The following CAMKK1 variants were observed in gnomAD, a reference collection of about 807,000 sequenced individuals.
CAMKK1 encodes the protein calcium/calmodulin dependent protein kinase kinase 1.
CAMKK1 carries 20 observed loss-of-function variants against 63.5 expected under a neutral mutation model. That is an observed-to-expected ratio of 0.32 (90% CI 0.22 to 0.46). The LOEUF (loss-of-function observed/expected upper bound fraction) is 0.46, where lower values mean the gene tolerates loss of function less well. CAMKK1 is among the 20% of genes least tolerant of loss of function. CAMKK1 has a pLI of 1.00. For missense variants in CAMKK1, 588 were observed against 658.1 expected (o/e 0.89, Z 1.17); for synonymous variants, 253 against 269.0 (o/e 0.94, Z 0.58).
rs1442620032 is a variant in CAMKK1, at chr17:3,883,288, C to A, written c.515-113G>T. 1 of 1,507,044 alleles carries A rather than the reference C, an allele frequency of 6.6e-7. No individual in the cohort carries two copies. Among genetic ancestry groups the A allele is most frequent in the African/African-American group, 1.4e-5 (1 of 72,684 alleles). The allele number at this position is 1,507,044 out of a possible 1,614,324, so 93.4% of individuals were successfully genotyped here. Reference sequence around the variant, plus strand: ...ATGCCCGTGGTCTTGTCCCAACCCACAGGGCACATTCTGTCCCCAGGCCTC... The same window carrying A: ...ATGCCCGTGGTCTTGTCCCAACCCAAAGGGCACATTCTGTCCCCAGGCCTC... On this transcript the variant is annotated intron_variant, in intron 5 of 15. Transcript: ENST00000348335. The surrounding 1 kb of genome is among the most constrained non-coding windows in gnomAD (Gnocchi z 4.7).
chr17:3,886,779 G>A (rs9914137), intron 1 of CAMKK1, among the ~76,000 whole-genome samples: 8,561 of 151,964 alleles, frequency 0.056, 811 homozygotes, highest in African/African-American at 0.2. Context: ...CATGACCCTG[G>A]GCTACATCCT....
At chr17:3,872,446 T>G (rs1191805127) in intron 12 of CAMKK1, 108 bp downstream of exon 12, 3 of 889,720 alleles carry the variant, frequency 3.4e-6, no homozygotes, top group Non-Finnish European at 5.5e-6. Context: ...CACCGCCACC[T>G]TCATATCTGC....
At chr17:3,886,534 A>G (rs2055659430) in intron 1 of CAMKK1, among the ~76,000 whole-genome samples, 1 of 152,184 alleles carries the variant, frequency 6.6e-6, no homozygotes, top group Non-Finnish European at 1.5e-5. Flanking sequence ...CGGGAGGCTG[A>G]GGCAGGAGAA....
In CAMKK1 at chr17:3,871,625, G is replaced by C. The variant is rs188294097; in HGVS notation, c.1124+929C>G. Among the ~76,000 whole-genome samples the C allele has an allele frequency of 4.7e-4, 70 of 148,432 alleles. 5 individuals carry two copies. The highest frequency in any genetic ancestry group is 1.7e-3 in the African/African-American group (67 of 39,614). On this transcript the variant is annotated intron_variant, in intron 12 of 15. Coordinates refer to ENST00000348335, the MANE Select transcript of CAMKK1 (RefSeq NM_032294.3). ...CCCTCCTTGGCCTCCCAAAGTGCTG[G>C]AATTACAGGTGTGAGCCGCCGCACC... is the stretch of plus-strand genomic sequence containing the variant.
Position 3,885,603 on chromosome 17 carries a change from C to G in CAMKK1, c.85G>C (p.Glu29Gln), listed in dbSNP as rs2143887655. 6.2e-7 allele frequency: 1 copy of G among 1,614,110 alleles called. No individual in the cohort carries two copies. Among genetic ancestry groups the G allele is most frequent in the Middle Eastern group, 1.6e-4 (1 of 6,062 alleles). The change falls in exon 2 of 16, where the codon GAG becomes CAG. Residue 29 changes from glutamate (E) to glutamine (Q), a missense_variant. Coordinates refer to ENST00000348335, the MANE Select transcript of CAMKK1 (RefSeq NM_032294.3). ...GGCTCTGGGCCACCATCTGCCTCCT[C>G]CAAGTGAGTCACATCGATGGCTGCC... is the stretch of plus-strand genomic sequence containing the variant. ...RVAAIDVTHL[E>Q]EADGGPEPTR...
intron 2 of CAMKK1, among the ~76,000 whole-genome samples, chr17:3,885,022 G>C (rs1305136812): frequency 1.3e-5 from 2 of 152,176 alleles, no homozygotes; most frequent in East Asian, 3.9e-4. Context: ...AGAAGAGTTA[G>C]GGGGGAAGGG....
chr17:3,880,947 A>C (rs1386194770), intron 8 of CAMKK1, among the ~76,000 whole-genome samples: 1 of 152,244 alleles, frequency 6.6e-6, no homozygotes, highest in African/African-American at 2.4e-5. Flanking sequence ...AAAGCCTCCA[A>C]GTCTTAAAGG....
intron 1 of CAMKK1, among the ~76,000 whole-genome samples, chr17:3,886,357 C>G (rs2055651667): frequency 6.6e-6 from 1 of 152,154 alleles, no homozygotes; most frequent in Non-Finnish European, 1.5e-5. Flanking sequence ...ATGGGCCCCA[C>G]ATGGTGGCTC....
chr17:3,871,588 C>T (rs183850774), intron 12 of CAMKK1, among the ~76,000 whole-genome samples: 4 of 149,714 alleles, frequency 2.7e-5, no homozygotes, highest in Non-Finnish European at 4.4e-5. Context: ...GATCTCCTGA[C>T]CTCGTGATCC....
In CAMKK1 at chr17:3,883,695, C is replaced by G. The variant is rs12103454; in HGVS notation, c.462+189G>C. ...CAGCAAGCCTTTCTGGAGCTTTCCC[C>G]TCAGAGGAATCCAGTCTCTGCTTGC... On this transcript the variant is annotated intron_variant, in intron 4 of 15. Coordinates refer to ENST00000348335, the MANE Select transcript of CAMKK1 (RefSeq NM_032294.3). The surrounding 1 kb of genome is among the most constrained non-coding windows in gnomAD (Gnocchi z 4.7). 2.0e-5 allele frequency among the ~76,000 whole-genome samples: 3 copies of G among 151,948 alleles called. No individual in the cohort carries two copies. The highest frequency in any genetic ancestry group is 3.9e-4 in the East Asian group (2 of 5,194).
At chr17:3,865,067 G>A in intron 15 of CAMKK1, 1 of 926,246 alleles carries the variant, frequency 1.1e-6, no homozygotes, top group Non-Finnish European at 1.3e-6. Flanking sequence ...GCCAGAGGAA[G>A]GCAGTGGCTG....
chr17:3,870,413 T>TGC (rs2054789140), intron 12 of CAMKK1, among the ~76,000 whole-genome samples: 2 of 151,728 alleles, frequency 1.3e-5, no homozygotes, highest in Non-Finnish European at 2.9e-5. Context: ...TGGCCCAGGC[T>TGC]GGAGTGCAGT....
chr17:3,881,747 G>A, intron 7 of CAMKK1, 99 bp from the exon 8 acceptor site: 1 of 1,099,364 alleles, frequency 9.1e-7, no homozygotes, highest in Admixed American at 2.0e-5. Context: ...GGGCAGGCAT[G>A]CAGGCATACT....
At chr17:3,873,713 T>C (rs1448678665) in intron 10 of CAMKK1, among the ~76,000 whole-genome samples, 4 of 152,008 alleles carry the variant, frequency 2.6e-5, no homozygotes, top group Non-Finnish European at 5.9e-5. Context: ...ACCAGGTACG[T>C]TTCCAACTCA....
rs537681840 is a variant in CAMKK1, at chr17:3,879,597, G to A, written c.796+749C>T. On this transcript the variant is annotated intron_variant, in intron 9 of 15. Transcript: ENST00000348335. This position sits in a 1 kb window ranked among gnomAD's most constrained non-coding sequence, Gnocchi z 4.5. ...TTCAGCCAGACTCCACTTCTCCCCA[G>A]ACTCAGAGTACACGCCTATGCCAGG... 6.6e-6 allele frequency: 1 copy of A among 152,630 alleles called. No individual in the cohort carries two copies. Among genetic ancestry groups the A allele is most frequent in the South Asian group, 2.1e-4 (1 of 4,840 alleles). 9.5% of individuals were successfully genotyped at this position (152,630 alleles called of 1,614,324 possible). A position where few individuals can be genotyped will look rare whatever the true frequency, so the allele number is the denominator to read the frequency against.
rs757905486 is a variant in CAMKK1 at position 3,882,390 on chromosome 17, G to A, written c.685+138C>T. 6.3e-7 allele frequency: 1 copy of A among 1,598,386 alleles called. No individual in the cohort carries two copies. The highest frequency in any genetic ancestry group is 8.6e-7 in the Non-Finnish European group (1 of 1,165,860). Reference sequence around the variant, plus strand: ...GCAGGGCTGGGCAAGGGAATCCAGGGCTTCAGAACGTGTGTTTTTCTTCTG... The same window carrying A: ...GCAGGGCTGGGCAAGGGAATCCAGGACTTCAGAACGTGTGTTTTTCTTCTG... On this transcript the variant is annotated intron_variant, in intron 7 of 15. Coordinates refer to ENST00000348335, the MANE Select transcript of CAMKK1 (RefSeq NM_032294.3). The surrounding 1 kb of genome is among the most constrained non-coding windows in gnomAD (Gnocchi z 4.3).
rs767632585 is a variant in CAMKK1 at position 3,883,512 on chromosome 17, G to A, written c.463-32C>T. On this transcript the variant is annotated intron_variant, in intron 4 of 15. Coordinates refer to ENST00000348335, the MANE Select transcript of CAMKK1 (RefSeq NM_032294.3). This position sits in a 1 kb window ranked among gnomAD's most constrained non-coding sequence, Gnocchi z 4.7. ...AAGGAGGGACAGAAATGTCACTACT[G>A]TGCAGCCACCAGGGGCTAGAACAGG... is the stretch of plus-strand genomic sequence containing the variant. 1.3e-6 allele frequency: 2 copies of A among 1,568,242 alleles called. No homozygotes were observed. The highest frequency in any genetic ancestry group is 1.4e-5 in the African/African-American group (1 of 73,876).
At chr17:3,863,353 G>A (rs951755583) in intron 15 of CAMKK1, among the ~76,000 whole-genome samples, 4 of 152,066 alleles carry the variant, frequency 2.6e-5, no homozygotes, top group Admixed American at 6.5e-5. Flanking sequence ...AAAATTAGCC[G>A]GTGTGGTGGT....
chr17:3,863,499 A>AAAAG (rs2054395997), intron 15 of CAMKK1, among the ~76,000 whole-genome samples: 1 of 152,216 alleles, frequency 6.6e-6, no homozygotes, highest in Non-Finnish European at 1.5e-5. Flanking sequence ...ACTCCATCTC[A>AAAAG]AAACAAACAA....
Sources: gnomAD v4.1 joint callset for allele counts (sites outside exome capture counted in the v4.1 genomes callset) on GRCh38, gnomAD v4.1.1 for gene constraint, Gnocchi (gnomAD v3.1) non-coding constraint, MANE v1.5 for transcripts, NCBI Gene and HGNC (gene_info 2026-07-23, HGNC 2026-07-21) for gene names.